The following WASHC2C variants were observed in gnomAD, a reference collection of about 807,000 sequenced individuals.
WASHC2C encodes the protein WASH complex subunit 2C.
Under a neutral mutation model 142.2 loss-of-function variants are expected in WASHC2C, and 73 were observed. The observed-to-expected ratio is 0.51, with a 90% CI of 0.43 to 0.62. The LOEUF (loss-of-function observed/expected upper bound fraction) is 0.62. Ranked by LOEUF, WASHC2C falls within the 20% of genes least tolerant of loss-of-function variation. The probability of loss-of-function intolerance (pLI) is 0.00; values close to 1 mark genes in which losing one functional copy is unlikely to be tolerated. For missense variants in WASHC2C, 969 were observed against 1,531.7 expected (o/e 0.63, Z 6.13); for synonymous variants, 337 against 565.5 (o/e 0.60, Z 5.73).
chr10:45,784,252 G>GTATATATA (rs71225139), intron 23 of WASHC2C, among the ~76,000 whole-genome samples: 935 of 40,272 alleles, frequency 0.023, 13 homozygotes, highest in South Asian at 0.039. Context: ...GTGTGTGTGT[G>GTATATATA]TATATATATA....
At chr10:45,756,544 T>A (rs1298620639) in intron 15 of WASHC2C, among the ~76,000 whole-genome samples, 2 of 151,994 alleles carry the variant, frequency 1.3e-5, no homozygotes, top group African/African-American at 4.8e-5. Context: ...CTGTTCCCAA[T>A]GTTCATCTTG....
chr10:45,749,836 A>AAAATAT (rs1227809519), intron 8 of WASHC2C, among the ~76,000 whole-genome samples: 6 of 101,768 alleles, frequency 5.9e-5, no homozygotes, highest in African/African-American at 1.7e-4. Flanking sequence ...AAAAAAAAAA[A>AAAATAT]ATATATATAT....
intron 18 of WASHC2C, among the ~76,000 whole-genome samples, chr10:45,764,796 C>G (rs2135200253): frequency 6.6e-6 from 1 of 152,400 alleles, no homozygotes; most frequent in East Asian, 1.9e-4. Context: ...GAAGCTCTTG[C>G]AGAGTGCCGG....
rs2058240759 is a variant in WASHC2C at position 45,788,944 on chromosome 10, G to A, written c.3161G>A (p.Ser1054Asn). ...AGGCGGCTGGCTGCTCAGGAGTCCA[G>A]CGAGGCTGAGGACATGAGCGTCCCC... Reference protein sequence around the residue: ...AARRLAAQESSEAEDMSVPRG... With the variant: ...AARRLAAQESNEAEDMSVPRG... The change falls in exon 29 of 31, where the codon AGC becomes AAC. Residue 1054 changes from serine (S) to asparagine (N), a missense_variant. Coordinates refer to ENST00000623400, the MANE Select transcript of WASHC2C (RefSeq NM_001330074.2). 6.2e-7 allele frequency: 1 copy of A among 1,612,060 alleles called. No individual in the cohort carries two copies.
intron 23 of WASHC2C, among the ~76,000 whole-genome samples, chr10:45,780,006 A>T (rs2057376572): frequency 6.6e-6 from 1 of 150,906 alleles, no homozygotes; most frequent in South Asian, 2.1e-4. Flanking sequence ...AAAAAAATAG[A>T]TGATGGTCAT....
chr10:45,737,654 C>T (rs1452318459), intron 3 of WASHC2C, among the ~76,000 whole-genome samples: 2 of 152,092 alleles, frequency 1.3e-5, no homozygotes, highest in Non-Finnish European at 2.9e-5. Flanking sequence ...CATTGCCCAT[C>T]AACATTATTA....
At chr10:45,739,524 T>C (rs1236879094) in intron 4 of WASHC2C, among the ~76,000 whole-genome samples, 2 of 152,030 alleles carry the variant, frequency 1.3e-5, no homozygotes, top group African/African-American at 4.8e-5. Context: ...GGCATTGTTG[T>C]AGGGTATACA....
At chr10:45,785,693 T>C in intron 26 of WASHC2C, 62 bp downstream of exon 26, 1 of 1,610,966 alleles carries the variant, frequency 6.2e-7, no homozygotes, top group Non-Finnish European at 8.5e-7. Flanking sequence ...AGAAATTCCA[T>C]TATGCAGACC....
chr10:45,768,300 G>A (rs1376916547), intron 19 of WASHC2C, among the ~76,000 whole-genome samples: 2 of 151,194 alleles, frequency 1.3e-5, no homozygotes, highest in Non-Finnish European at 2.9e-5. Context: ...CCCAGCTCCA[G>A]AGATTCTGAA....
At chr10:45,742,381 G>A (rs1185547476) in intron 5 of WASHC2C, among the ~76,000 whole-genome samples, 1 of 152,086 alleles carries the variant, frequency 6.6e-6, no homozygotes, top group African/African-American at 2.4e-5. Context: ...GTGATGTGAT[G>A]TTGGCTCACT....
At chr10:45,771,003 T>C (rs1257452709) in intron 20 of WASHC2C, among the ~76,000 whole-genome samples, 13 of 151,938 alleles carry the variant, frequency 8.6e-5, no homozygotes, top group African/African-American at 3.1e-4. Context: ...TTTTTGTTGC[T>C]CTCTCCTGGG....
At chr10:45,791,704 T>C (rs1160012715) in intron 30 of WASHC2C, among the ~76,000 whole-genome samples, 1 of 146,188 alleles carries the variant, frequency 6.8e-6, no homozygotes, top group African/African-American at 2.5e-5. Context: ...GCTAAAATCA[T>C]GGTTGGATAA....
At chr10:45,768,298 CA>C (rs1227655833) in intron 19 of WASHC2C, among the ~76,000 whole-genome samples, 7 of 151,466 alleles carry the variant, frequency 4.6e-5, no homozygotes, top group African/African-American at 1.7e-4. Context: ...ATCCCAGCTC[CA>C]GAGATTCTGA....
chr10:45,743,266 C>T, intron 5 of WASHC2C, 124 bp from the exon 6 acceptor site: 1 of 1,530,476 alleles, frequency 6.5e-7, no homozygotes. Context: ...TGCTGTGTTT[C>T]TTATTCTCCA....
At chr10:45,762,627 C>T (rs1370973713) in intron 17 of WASHC2C, among the ~76,000 whole-genome samples, 2 of 152,166 alleles carry the variant, frequency 1.3e-5, no homozygotes, top group Admixed American at 6.5e-5. Flanking sequence ...ATAAGTCGGC[C>T]GGGTGTGGTG....
At chr10:45,769,661 G>A (rs782181001) in intron 20 of WASHC2C, 43 bp downstream of exon 20, 1 of 1,611,406 alleles carries the variant, frequency 6.2e-7, no homozygotes, top group Non-Finnish European at 8.5e-7. Flanking sequence ...CATTACCGTG[G>A]TAACAAGAAA....
At position 45,773,279 on chromosome 10, in the gene WASHC2C, C is replaced by A. The variant is rs2056765464; in HGVS notation, c.2063C>A (p.Ser688Ter). 1 of 929,596 alleles carries A rather than the reference C, an allele frequency of 1.1e-6. No homozygotes were observed. The allele number at this position is 929,596 out of a possible 1,614,324, so 57.6% of individuals were successfully genotyped here. ...KDSQKKTQRV[S>*]LLFEDDVDSG... ...AGCCAAAAGAAGACCCAGAGAGTGT[C>A]ACTCCTCTTTGAAGACGATGTTGAT... is the stretch of plus-strand genomic sequence containing the variant. The change falls in exon 21 of 31, where the codon TCA becomes TAA. Residue 688 changes from serine (S) to a stop codon, truncating the protein, a stop_gained. Coordinates refer to ENST00000623400, the MANE Select transcript of WASHC2C (RefSeq NM_001330074.2). LOFTEE classifies it high-confidence loss of function.
chr10:45,750,869 G>A (rs1336858678), intron 10 of WASHC2C, 31 bp downstream of exon 10: 4 of 1,544,060 alleles, frequency 2.6e-6, no homozygotes, highest in Non-Finnish European at 3.5e-6. Context: ...TGGGGAGTAG[G>A]GGAGGAGTAG....
chr10:45,757,729 T>A (rs1397095043), intron 16 of WASHC2C, among the ~76,000 whole-genome samples: 1 of 152,108 alleles, frequency 6.6e-6, no homozygotes, highest in Admixed American at 6.5e-5. Context: ...ATTAGGGATA[T>A]AAGGAGAGTG....
Sources: allele counts gnomAD v4.1 joint callset (sites outside exome capture counted in the v4.1 genomes callset), GRCh38; gene constraint gnomAD v4.1.1; transcripts MANE v1.5; gene names NCBI Gene and HGNC (gene_info 2026-07-23, HGNC 2026-07-21).